SPRED2: variants seen among roughly 807,000 people sequenced by gnomAD.
SPRED2 encodes the protein sprouty related EVH1 domain containing 2.
In SPRED2, 47 loss-of-function variants were observed where a neutral mutation model predicts 43.0. The observed-to-expected ratio is 1.09, with a 90% CI of 0.87 to 1.40. The LOEUF (loss-of-function observed/expected upper bound fraction) is 1.40, where lower values mean the gene tolerates loss of function less well. Among genes scored for constraint, SPRED2 ranks in the 40% most tolerant of loss-of-function variants. SPRED2 has a pLI of 0.00. For missense variants in SPRED2, 561 were observed against 586.4 expected, an observed-to-expected ratio of 0.96 and a Z score of 0.45; for synonymous variants, 225 against 225.7, an observed-to-expected ratio of 1.00 and a Z score of 0.03.
At chr2:65,342,418 C>T (rs1454978131) in intron 2 of SPRED2, among the ~76,000 whole-genome samples, 7 of 142,738 alleles carry the variant, frequency 4.9e-5, no homozygotes, top group South Asian at 2.2e-4. Flanking sequence ...ATTTTGTATA[C>T]GTATATTATA....
intron 2 of SPRED2, among the ~76,000 whole-genome samples, chr2:65,342,969 G>A (rs1371416507): frequency 1.3e-5 from 2 of 152,090 alleles, no homozygotes; most frequent in African/African-American, 4.8e-5. Flanking sequence ...TACAAAGTGG[G>A]AAAATTACAT....
downstream of SPRED2, chr2:65,308,345 G>A: frequency 1.0e-6 from 1 of 985,464 alleles, no homozygotes; most frequent in South Asian, 4.7e-5. Context: ...TTGGCTCCCA[G>A]AAACCCAGCC....
intron 1 of SPRED2, among the ~76,000 whole-genome samples, chr2:65,388,378 C>A (rs1035951638): frequency 6.6e-6 from 1 of 152,194 alleles, no homozygotes; most frequent in Non-Finnish European, 1.5e-5. Flanking sequence ...CAGCCCTAGG[C>A]GGCATGTGGG....
chr2:65,415,781 A>AT (rs370473298), intron 1 of SPRED2, among the ~76,000 whole-genome samples: 290 of 152,048 alleles, frequency 1.9e-3, no homozygotes, highest in African/African-American at 6.9e-3. Flanking sequence ...ATTAGAATTT[A>AT]TTTTTTATTG....
At position 65,355,787 on chromosome 2, in the gene SPRED2, A is replaced by G. The variant is rs1674629543; in HGVS notation, c.27-10891T>C. 2.0e-5 allele frequency among the ~76,000 whole-genome samples: 3 copies of G among 152,296 alleles called. No homozygotes were observed. The South Asian group carries it at 6.2e-4, about 32-fold the overall frequency. ...GTTCATAATTAATCAAGATCAAAAG[A>G]TTACCATCTTAAAGCAAACAAAATA... On this transcript the variant is annotated intron_variant, in intron 1 of 5. Coordinates refer to ENST00000356388, the MANE Select transcript of SPRED2 (RefSeq NM_181784.3).
At chr2:65,363,776 TGGTAG>T (rs1674892223) in intron 1 of SPRED2, among the ~76,000 whole-genome samples, 1 of 152,192 alleles carries the variant, frequency 6.6e-6, no homozygotes, top group South Asian at 2.1e-4. Context: ...GTTTAAATGT[TGGTAG>T]GTGATCTATA....
At chr2:65,390,952 G>A (rs1675620314) in intron 1 of SPRED2, among the ~76,000 whole-genome samples, 1 of 152,004 alleles carries the variant, frequency 6.6e-6, no homozygotes, top group East Asian at 1.9e-4. Context: ...GCTGGGTGTG[G>A]GGGTGCATGC....
chr2:65,340,131 G>A (rs1674136118), intron 2 of SPRED2, among the ~76,000 whole-genome samples: 1 of 152,112 alleles, frequency 6.6e-6, no homozygotes, highest in African/African-American at 2.4e-5. Flanking sequence ...TAACAATACT[G>A]TTTAATTAAA....
chr2:65,331,021 G>T (rs543542244), intron 4 of SPRED2, among the ~76,000 whole-genome samples: 3 of 152,264 alleles, frequency 2.0e-5, no homozygotes, highest in Non-Finnish European at 2.9e-5. Flanking sequence ...TGCAGAGGAT[G>T]AAATATGATT....
intron 1 of SPRED2, among the ~76,000 whole-genome samples, chr2:65,363,382 A>T (rs1042399962): frequency 6.6e-6 from 1 of 152,208 alleles, no homozygotes; most frequent in African/African-American, 2.4e-5. Context: ...TTCAGGGTTC[A>T]CAGAAGTCCA....
At chr2:65,348,283 C>T (rs1045254861) in intron 1 of SPRED2, among the ~76,000 whole-genome samples, 2 of 152,172 alleles carry the variant, frequency 1.3e-5, no homozygotes, top group Admixed American at 1.3e-4. Flanking sequence ...GCACCCTCCA[C>T]CCCTCTTAAA....
intron 1 of SPRED2, among the ~76,000 whole-genome samples, chr2:65,348,728 C>A (rs190837847): frequency 6.6e-6 from 1 of 151,364 alleles, no homozygotes; most frequent in Non-Finnish European, 1.5e-5. Flanking sequence ...AGCTTGAACC[C>A]CAGAGGCAGA....
chr2:65,316,739 C>T lies in SPRED2; in HGVS notation c.583G>A (p.Asp195Asn), dbSNP rs750670409. ...GGAACAGGGCTGCTGCTCACCTGAT[C>T]GAGGTGATAGTGGTCTGTGGGGTAT... is the stretch of plus-strand genomic sequence containing the variant. The part of the protein sequence containing the change: ...DSYPTDHYHL[D>N]QPMPRPYRQV... The change falls in exon 5 of 6, where the codon GAT (aspartate) becomes AAT (asparagine). Residue 195 changes from aspartate (D) to asparagine (N), a missense_variant. Physicochemically the swap from Asp to Asn is conservative, Grantham distance 23. This residue lies in a region of SPRED2 where 305 missense variants were observed against 282.4 expected (regional missense o/e 1.08). Coordinates refer to ENST00000356388, the MANE Select transcript of SPRED2 (RefSeq NM_181784.3). 6.8e-6 allele frequency: 11 copies of T among 1,609,208 alleles called. No individual in the cohort carries two copies. Among genetic ancestry groups the T allele is most frequent in the South Asian group, 3.3e-5 (3 of 89,842 alleles).
chr2:65,416,004 A>AGG (rs1676264108), intron 1 of SPRED2, among the ~76,000 whole-genome samples: 1 of 152,204 alleles, frequency 6.6e-6, no homozygotes, highest in African/African-American at 2.4e-5. Flanking sequence ...GAAGAGAGAG[A>AGG]GGAGGATCTT....
intron 1 of SPRED2, among the ~76,000 whole-genome samples, chr2:65,371,280 C>A (rs1275828728): frequency 6.6e-6 from 1 of 152,128 alleles, no homozygotes; most frequent in African/African-American, 2.4e-5. Context: ...TGGGACTGGT[C>A]TCTGGGAGGG....
chr2:65,314,080 C>T lies in SPRED2; in HGVS notation c.678G>A (p.Thr226=), dbSNP rs147569215. 1.5e-4 allele frequency: 249 copies of T among 1,613,974 alleles called. 1 individual carries two copies. In the South Asian group the frequency reaches 2.3e-3, roughly 15 times the overall value. Residue 226 remains threonine, a synonymous_variant, in exon 6 of 6, where the codon ACG becomes ACA. Coordinates refer to ENST00000356388, the MANE Select transcript of SPRED2 (RefSeq NM_181784.3). The stretch of plus-strand genomic sequence containing the variant: ...GTGCGTGCCGGTAATCCTCGTACCC[C>T]GTCATCCAGATCTTCTCCCGGGGGT... ...RINPREKIWM[T]GYEDYRHAPV... is the part of the protein sequence containing the mutation.
At chr2:65,308,587 A>T (rs1186456257), downstream of SPRED2, 2 of 985,318 alleles carry the variant, frequency 2.0e-6, no homozygotes, top group Non-Finnish European at 2.4e-6. Flanking sequence ...AGAATAAAAA[A>T]GGGACTGAGA....
rs139547439 is a variant in SPRED2 at position 65,314,020 on chromosome 2, G to A, written c.738C>T (p.Asp246=). The change falls in exon 6 of 6, where the codon GAC becomes GAT. Residue 246 remains aspartate (D), a synonymous_variant. Coordinates refer to ENST00000356388, the MANE Select transcript of SPRED2 (RefSeq NM_181784.3). ...CGAAGCGCACGTAGGAGGAGTCCGC[G>A]TCCTCCGAGGGGTCCGGGTACTTGC... ...VRGKYPDPSE[D]ADSSYVRFAK... The A allele has an allele frequency of 3.7e-6, 6 of 1,614,094 alleles. No individual in the cohort carries two copies. The African/African-American group carries it at 8.0e-5, about 22-fold the overall frequency.
intron 1 of SPRED2, among the ~76,000 whole-genome samples, chr2:65,362,737 A>C (rs1674853420): frequency 2.0e-5 from 3 of 152,014 alleles, no homozygotes; most frequent in Admixed American, 6.5e-5. Context: ...GCATGTCTGT[A>C]ATCCTAGCTA....
Sources: gnomAD v4.1 joint callset for allele counts (sites outside exome capture counted in the v4.1 genomes callset) on GRCh38, gnomAD v4.1.1 for gene constraint, gnomAD v4.1.1 regional missense constraint, MANE v1.5 for transcripts, NCBI Gene and HGNC (gene_info 2026-07-23, HGNC 2026-07-21) for gene names.